The following MRPL37 variants were observed in gnomAD, a reference collection of about 807,000 sequenced individuals.
MRPL37 encodes the protein mitochondrial ribosomal protein L37.
MRPL37 carries 34 observed loss-of-function variants against 44.1 expected under a neutral mutation model. That is an observed-to-expected ratio of 0.77 (90% CI 0.59 to 1.03). The LOEUF (loss-of-function observed/expected upper bound fraction) is 1.03. MRPL37 is among the 50% of genes least tolerant of loss of function. MRPL37 has a pLI of 0.00. For synonymous variants in MRPL37, 212 were observed against 219.5 expected (o/e 0.97, Z 0.30); for missense variants, 532 against 543.7 (o/e 0.98, Z 0.21).
In MRPL37 at chr1:54,218,339, C is replaced by T. The variant is rs1472038418; in HGVS notation, c.*90C>T. 1.3e-6 allele frequency: 2 copies of T among 1,599,148 alleles called. No homozygotes were observed. The highest frequency in any genetic ancestry group is 1.3e-5 in the African/African-American group (1 of 74,130). On this transcript the variant is annotated 3_prime_UTR_variant, in exon 7 of 7. Coordinates refer to ENST00000360840, the MANE Select transcript of MRPL37 (RefSeq NM_016491.4). ...CCGTGGAGCCTCAGTGCCCGTTTGG[C>T]CTGCTGCTCTCGCTGACAATAAAGA...
rs773512249 is a variant in MRPL37 at position 54,205,066 on chromosome 1, T to C, written c.395T>C (p.Leu132Pro). Residue 132 changes from leucine (L) to proline (P), a missense_variant, in exon 2 of 7, where the codon CTT (leucine) becomes CCT (proline). Coordinates refer to ENST00000360840, the MANE Select transcript of MRPL37 (RefSeq NM_016491.4). ...WLTKTKLIEG[L>P]PEKVLSLVDD... is the part of the protein sequence containing the mutation. Reference sequence around the variant, plus strand: ...ACCAAGACCAAGTTAATAGAAGGCCTTCCCGAGAAAGTGCTTAGCCTTGTT... The same window carrying C: ...ACCAAGACCAAGTTAATAGAAGGCCCTCCCGAGAAAGTGCTTAGCCTTGTT... 2 of 1,614,182 alleles carry C rather than the reference T, an allele frequency of 1.2e-6. No individual in the cohort carries two copies. Among genetic ancestry groups the C allele is most frequent in the South Asian group, 2.2e-5 (2 of 91,078 alleles).
At chr1:54,209,895 C>T (rs781026422) in intron 3 of MRPL37, 51 bp from the exon 4 acceptor site, 1 of 1,576,682 alleles carries the variant, frequency 6.3e-7, no homozygotes, top group African/African-American at 1.4e-5. Context: ...CTGCGCCTAG[C>T]TGCGAAAGCC....
In MRPL37 at chr1:54,216,170, G is replaced by T; in HGVS notation, c.1020G>T (p.Val340=). ...GNDAKVLEQP[V]VVQSVGTDGR... is the part of the protein sequence containing the mutation. The stretch of plus-strand genomic sequence containing the variant: ...ATGCCAAGGTCTTGGAGCAGCCCGT[G>T]GTGGTGCAGAGCGTGGGCACGGATG... The change falls in exon 6 of 7, where the codon GTG becomes GTT. Residue 340 remains valine (V), a synonymous_variant. Coordinates refer to ENST00000360840, the MANE Select transcript of MRPL37 (RefSeq NM_016491.4). 1 of 1,614,238 alleles carries T rather than the reference G, an allele frequency of 6.2e-7. No individual in the cohort carries two copies. The highest frequency in any genetic ancestry group is 1.3e-5 in the African/African-American group (1 of 75,050).
Position 54,209,863 on chromosome 1 carries a change from C to T in MRPL37, c.647-83C>T, listed in dbSNP as rs1644151435. On this transcript the variant is annotated intron_variant, in intron 3 of 6. Transcript: ENST00000360840. ...CCACCTGCCTTGGCCTCCCAAAGTG[C>T]TGGGATTATAGGCATGAGCTACTGC... 9.1e-6 allele frequency: 13 copies of T among 1,428,640 alleles called. No homozygotes were observed. The Admixed American group carries it at 1.1e-4, about 12-fold the overall frequency. The allele number at this position is 1,428,640 out of a possible 1,614,324, so 88.5% of individuals were successfully genotyped here.
At position 54,206,905 on chromosome 1, in the gene MRPL37, TTGTG is replaced by T. The variant is rs56169941; in HGVS notation, c.646+1513_646+1516del. 6.2e-3 allele frequency among the ~76,000 whole-genome samples: 926 copies of T among 150,084 alleles called. 18 individuals are homozygous for T. Among genetic ancestry groups the T allele is most frequent in the African/African-American group, 0.021 (858 of 40,854 alleles). On this transcript the variant is annotated intron_variant, in intron 3 of 6. Transcript: ENST00000360840. ...ACCCGCCACCATGCCCAGCTAATTT[TTGTG>T]TGTGTGTGTGTGTGTGTATTTTTAG... is the stretch of plus-strand genomic sequence containing the variant.
chr1:54,210,341 T>A (rs1644155218), intron 4 of MRPL37, among the ~76,000 whole-genome samples: 1 of 152,224 alleles, frequency 6.6e-6, no homozygotes, highest in South Asian at 2.1e-4. Context: ...GTTAAGTGAT[T>A]TGCTCAAAGA....
At chr1:54,213,990 C>T (rs1431737799) in intron 5 of MRPL37, among the ~76,000 whole-genome samples, 7 of 152,196 alleles carry the variant, frequency 4.6e-5, no homozygotes, top group Non-Finnish European at 7.3e-5. Context: ...CGAGACCAGC[C>T]TGGCCAACAT....
In MRPL37 at chr1:54,212,649, C is replaced by T; in HGVS notation, c.981C>T (p.Leu327=). 6.2e-7 allele frequency: 1 copy of T among 1,614,208 alleles called. No individual in the cohort carries two copies. The highest frequency in any genetic ancestry group is 8.5e-7 in the Non-Finnish European group (1 of 1,180,038). Residue 327 remains leucine, a synonymous_variant, in exon 5 of 7, where the codon CTC becomes CTT. Transcript: ENST00000360840. ...AFGSALAQAR[L]LYGNDAKVLE... ...GCAGTGCCCTGGCTCAGGCCCGGCT[C>T]CTCTATGGGGTATGTAGGTGGAGAA...
downstream of MRPL37, chr1:54,220,504 G>C (rs191278274): frequency 3.9e-3 from 1,465 of 378,230 alleles, 18 homozygotes; most frequent in African/African-American, 0.029. Flanking sequence ...AGGACTGGCG[G>C]TTTTTTTTAT....
Position 54,205,029 on chromosome 1 carries a change from G to A in MRPL37, c.358G>A (p.Ala120Thr), listed in dbSNP as rs770537499. ...RCRLLEGVKQALWLTKTKLIE... is the reference protein window; with the variant it reads ...RCRLLEGVKQTLWLTKTKLIE... ...TAATTACCTCAAAGGTGTAAAGCAGGCCCTCTGGCTCACCAAGACCAAGTT... is the reference window on the plus strand; with the variant it reads ...TAATTACCTCAAAGGTGTAAAGCAGACCCTCTGGCTCACCAAGACCAAGTT... Residue 120 changes from alanine to threonine, a missense_variant, in exon 2 of 7, where the codon GCC becomes ACC. Transcript: ENST00000360840. 6 of 1,613,606 alleles carry A rather than the reference G, an allele frequency of 3.7e-6. 1 individual carries two copies. The highest frequency in any genetic ancestry group is 3.3e-5 in the South Asian group (3 of 91,018).
At chr1:54,219,965 A>G (rs557526471), downstream of MRPL37, among the ~76,000 whole-genome samples, 1 of 152,350 alleles carries the variant, frequency 6.6e-6, no homozygotes, top group Non-Finnish European at 1.5e-5. Context: ...TATTAGAAAT[A>G]ATGCTGCAGT....
intron 1 of MRPL37, among the ~76,000 whole-genome samples, chr1:54,204,583 G>T (rs925263613): frequency 2.6e-5 from 4 of 152,192 alleles, no homozygotes; most frequent in African/African-American, 9.7e-5. Flanking sequence ...TAATAATAAT[G>T]AGGTATATTT....
At chr1:54,220,598 G>A (rs1449808755), downstream of MRPL37, 1 of 468,314 alleles carries the variant, frequency 2.1e-6, no homozygotes, top group Admixed American at 2.4e-5. Flanking sequence ...CATGACAGCT[G>A]CCCCCTCCAC....
At chr1:54,205,689 G>C (rs1192186238) in intron 3 of MRPL37, among the ~76,000 whole-genome samples, 1 of 152,176 alleles carries the variant, frequency 6.6e-6, no homozygotes, top group Non-Finnish European at 1.5e-5. Flanking sequence ...AATGTTGAAG[G>C]TAAGGAAATT....
chr1:54,220,596 C>G, downstream of MRPL37: 1 of 467,458 alleles, frequency 2.1e-6, no homozygotes, highest in Non-Finnish European at 4.5e-6. Context: ...GTCATGACAG[C>G]TGCCCCCTCC....
intron 3 of MRPL37, among the ~76,000 whole-genome samples, chr1:54,206,664 C>G (rs1170662790): frequency 6.6e-6 from 1 of 152,182 alleles, no homozygotes; most frequent in Non-Finnish European, 1.5e-5. Context: ...CCCATCTTGA[C>G]CTCCTAAAGT....
At chr1:54,222,983 C>T (rs1644245839), downstream of MRPL37, among the ~76,000 whole-genome samples, 1 of 152,194 alleles carries the variant, frequency 6.6e-6, no homozygotes, top group Admixed American at 6.5e-5. Flanking sequence ...TCTATGGAGG[C>T]TCAAAGTGAG....
rs1198368826 is a variant in MRPL37 at position 54,200,248 on chromosome 1, C to T, written c.5C>T (p.Ala2Val). ...TCTTGAGGCTATCAGATCGGTATGG[C>T]ATTGGCGTCCGGGCCCGCAAGGCGG... MALASGPARRAL... is the reference protein window; with the variant it reads MVLASGPARRAL... Residue 2 changes from alanine (A) to valine (V), a missense_variant, in exon 1 of 7, where the codon GCA becomes GTA. Ala to Val is a moderately conservative substitution (Grantham distance 64, BLOSUM62 0). Coordinates refer to ENST00000360840, the MANE Select transcript of MRPL37 (RefSeq NM_016491.4). 8.8e-6 allele frequency: 14 copies of T among 1,584,734 alleles called. No individual in the cohort carries two copies. Among genetic ancestry groups the T allele is most frequent in the Non-Finnish European group, 1.1e-5 (13 of 1,169,402 alleles).
intron 6 of MRPL37, 44 bp downstream of exon 6, chr1:54,216,388 C>T (rs1252894179): frequency 1.3e-6 from 2 of 1,599,722 alleles, no homozygotes; most frequent in Non-Finnish European, 1.7e-6. Flanking sequence ...GGCCATGCCT[C>T]CTCCTACCTG....
Sources: gnomAD v4.1 joint callset for allele counts (sites outside exome capture counted in the v4.1 genomes callset) on GRCh38, gnomAD v4.1.1 for gene constraint, MANE v1.5 for transcripts, NCBI Gene and HGNC (gene_info 2026-07-23, HGNC 2026-07-21) for gene names.